Variants in FAM120A observed in about 807,000 individuals in gnomAD.
The protein encoded by FAM120A is family with sequence similarity 120 member A, also known as constitutive coactivator of PPAR-gamma-like protein 1.
A neutral mutation model predicts 109.7 loss-of-function variants in FAM120A; 15 were observed. That is an observed-to-expected ratio of 0.14 (90% confidence interval 0.09 to 0.21). The LOEUF is 0.21. FAM120A is among the 10% of genes least tolerant of loss of function. The pLI is 1.00. For missense variants in FAM120A, 899 were observed against 1,439.3 expected, an observed-to-expected ratio of 0.62 and a Z score of 6.07; for synonymous variants, 493 against 572.8, an observed-to-expected ratio of 0.86 and a Z score of 1.99.
intron 11 of FAM120A, among the ~76,000 whole-genome samples, chr9:93,549,058 AAAAC>A (rs1316629481): frequency 6.6e-6 from 1 of 150,772 alleles, no homozygotes; most frequent in Non-Finnish European, 1.5e-5. Flanking sequence ...AAACAAAACA[AAAAC>A]AAACCAAAAA....
chr9:93,502,928 G>A (rs7467195), intron 5 of FAM120A, among the ~76,000 whole-genome samples: 1 of 152,214 alleles, frequency 6.6e-6, no homozygotes, highest in African/African-American at 2.4e-5. Context: ...AACTAACACT[G>A]AGGTCTCACC....
intron 9 of FAM120A, chr9:93,530,919 G>A (rs1001316824): frequency 2.0e-5 from 3 of 152,122 alleles, no homozygotes; most frequent in African/African-American, 4.8e-5. Flanking sequence ...GTGGATAGTC[G>A]GTTAGATCTA....
Position 93,564,341 on chromosome 9 carries a change from G to C in FAM120A, c.3158G>C (p.Gly1053Ala). Residue 1053 changes from glycine to alanine, a missense_variant, in exon 18 of 18, where the codon GGA becomes GCA. Gly to Ala is a moderately conservative substitution (Grantham distance 60). Coordinates refer to ENST00000277165, the MANE Select transcript of FAM120A (RefSeq NM_014612.5). ...MSSDGSLAEN[G>A]VMAEEKPAPQ... is the part of the protein sequence containing the mutation. ...TCAGACGGGTCCCTGGCTGAAAACGGAGTGATGGCCGAGGAGAAGCCGGCT... is the reference window on the plus strand; with the variant it reads ...TCAGACGGGTCCCTGGCTGAAAACGCAGTGATGGCCGAGGAGAAGCCGGCT... 6.2e-7 allele frequency: 1 copy of C among 1,614,234 alleles called. No homozygotes were observed. The highest frequency in any genetic ancestry group is 1.1e-5 in the South Asian group (1 of 91,084).
At chr9:93,553,303 A>G (rs1206861413) in intron 12 of FAM120A, among the ~76,000 whole-genome samples, 1 of 152,228 alleles carries the variant, frequency 6.6e-6, no homozygotes, top group Non-Finnish European at 1.5e-5. Flanking sequence ...TTGCCTTGAC[A>G]TTCCTATAAT....
At chr9:93,542,115 A>C (rs1340534314) in intron 10 of FAM120A, among the ~76,000 whole-genome samples, 3 of 152,220 alleles carry the variant, frequency 2.0e-5, no homozygotes, top group Non-Finnish European at 4.4e-5. Context: ...AATATGTTGA[A>C]GATCAAATTA....
At chr9:93,489,798 C>T (rs1191459611) in intron 3 of FAM120A, among the ~76,000 whole-genome samples, 2 of 152,170 alleles carry the variant, frequency 1.3e-5, no homozygotes, top group Non-Finnish European at 2.9e-5. Context: ...GTTTTCCTTT[C>T]TCTTGACTGT....
chr9:93,529,358 A>T lies in FAM120A; in HGVS notation c.1512A>T (p.Glu504Asp). 6.2e-7 allele frequency: 1 copy of T among 1,602,058 alleles called. No homozygotes were observed. Among genetic ancestry groups the T allele is most frequent in the Non-Finnish European group, 8.5e-7 (1 of 1,174,438 alleles). ...TTCTGCTCTCTGCACTGTAGGCAGA[A>T]GGCTCGTCCACTGCCTCTTCAGGAA... ...RGDPGDQTKA[E>D]GSSTASSGSQ... is the part of the protein sequence containing the mutation. Residue 504 changes from glutamate to aspartate, a missense_variant, in exon 9 of 18, where the codon GAA becomes GAT. This residue lies in a region of FAM120A where 57 missense variants were observed against 52.9 expected (regional missense o/e 1.08). Coordinates refer to ENST00000277165, the MANE Select transcript of FAM120A (RefSeq NM_014612.5).
At chr9:93,478,792 C>T (rs986939687) in intron 3 of FAM120A, among the ~76,000 whole-genome samples, 4 of 152,088 alleles carry the variant, frequency 2.6e-5, no homozygotes, top group African/African-American at 4.8e-5. Flanking sequence ...AATGTTTTGA[C>T]CCTTCATTCA....
intron 5 of FAM120A, among the ~76,000 whole-genome samples, chr9:93,513,240 A>G (rs1860414799): frequency 6.6e-6 from 1 of 152,234 alleles, no homozygotes; most frequent in South Asian, 2.1e-4. Flanking sequence ...AGCGACTTTG[A>G]TCGCACACGT....
chr9:93,559,473 A>T (rs1244182932), intron 15 of FAM120A, among the ~76,000 whole-genome samples: 1 of 152,224 alleles, frequency 6.6e-6, no homozygotes, highest in Non-Finnish European at 1.5e-5. Flanking sequence ...ACTCAGTTAC[A>T]TGGGATAGTT....
Position 93,565,610 on chromosome 9 carries a change from C to T in FAM120A, c.*1070C>T, listed in dbSNP as rs1230550635. 1 of 151,412 alleles carries T rather than the reference C, an allele frequency of 6.6e-6. No individual in the cohort carries two copies. The highest frequency in any genetic ancestry group is 1.5e-5 in the Non-Finnish European group (1 of 67,912). 9.4% of individuals were successfully genotyped at this position (151,412 alleles called of 1,614,324 possible). ...CAACATTACCCTGGTGTATTCACTG[C>T]TGTATGCATTATTGTTCTTTGTTGC... On this transcript the variant is annotated 3_prime_UTR_variant, in exon 18 of 18. Transcript: ENST00000277165.
intron 5 of FAM120A, among the ~76,000 whole-genome samples, chr9:93,502,750 C>T (rs1859862024): frequency 6.6e-6 from 1 of 152,150 alleles, no homozygotes; most frequent in Non-Finnish European, 1.5e-5. Flanking sequence ...GTGATTTGTT[C>T]TTTCTGTCTC....
chr9:93,510,913 C>T (rs1233044528), intron 5 of FAM120A, among the ~76,000 whole-genome samples: 10 of 151,320 alleles, frequency 6.6e-5, no homozygotes, highest in South Asian at 2.1e-4. Context: ...TGCCGTATCT[C>T]GTGATGTCTA....
chr9:93,497,614 A>C lies in FAM120A; in HGVS notation c.933+15A>C. 1 of 1,581,810 alleles carries C rather than the reference A, an allele frequency of 6.3e-7. No individual in the cohort carries two copies. The highest frequency in any genetic ancestry group is 8.6e-7 in the Non-Finnish European group (1 of 1,168,072). ...AGCATTCACAGGTAAAAAAAAAAAC[A>C]AACAAAACAAAAAAACAGATTCATG... On this transcript the variant is annotated intron_variant, in intron 4 of 17. Transcript: ENST00000277165.
intron 15 of FAM120A, 63 bp downstream of exon 15, chr9:93,558,781 G>A: frequency 6.3e-7 from 1 of 1,580,230 alleles, no homozygotes; most frequent in Non-Finnish European, 8.6e-7. Flanking sequence ...TCCATCGTCT[G>A]GCGCCTTCCT....
intron 12 of FAM120A, 124 bp downstream of exon 12, chr9:93,550,815 A>G: frequency 1.6e-6 from 1 of 634,014 alleles, no homozygotes. Context: ...CCACTAAACT[A>G]ATAATACTAA....
At chr9:93,469,972 T>C (rs557460715) in intron 1 of FAM120A, among the ~76,000 whole-genome samples, 7 of 152,326 alleles carry the variant, frequency 4.6e-5, no homozygotes, top group Admixed American at 2.6e-4. Context: ...GAATGTTCTG[T>C]GCTGTCCAAT....
At chr9:93,490,253 A>G (rs1859255887) in intron 3 of FAM120A, among the ~76,000 whole-genome samples, 2 of 152,176 alleles carry the variant, frequency 1.3e-5, no homozygotes, top group South Asian at 4.1e-4. Flanking sequence ...TGAAACCTGT[A>G]TTTATATTCA....
intron 10 of FAM120A, among the ~76,000 whole-genome samples, chr9:93,541,040 G>A (rs1168053447): frequency 6.6e-6 from 1 of 150,986 alleles, no homozygotes. Context: ...CTGTGTGTGG[G>A]GTATGTTTCA....
Sources: gnomAD v4.1 joint callset for allele counts (sites outside exome capture counted in the v4.1 genomes callset) on GRCh38, gnomAD v4.1.1 for gene constraint, gnomAD v4.1.1 regional missense constraint, MANE v1.5 for transcripts, NCBI Gene and HGNC (gene_info 2026-07-23, HGNC 2026-07-21) for gene names.